CSPP1: variants seen among roughly 807,000 people sequenced by gnomAD.
CSPP1 encodes the protein centrosome and spindle pole-associated protein 1.
Under a neutral mutation model 164.4 loss-of-function variants are expected in CSPP1, and 126 were observed. The ratio of observed to expected loss-of-function variants is 0.77; its 90% confidence interval spans 0.66 to 0.89. The LOEUF (loss-of-function observed/expected upper bound fraction) is 0.89. CSPP1 is among the 40% of genes least tolerant of loss of function. The pLI is 0.00. For synonymous variants in CSPP1, 472 were observed against 476.7 expected, an observed-to-expected ratio of 0.99 and a Z score of 0.13; for missense variants, 1,395 against 1,449.8, an observed-to-expected ratio of 0.96 and a Z score of 0.61.
At chr8:67,108,932 T>C (rs1465468719) in intron 9 of CSPP1, among the ~76,000 whole-genome samples, 1 of 152,206 alleles carries the variant, frequency 6.6e-6, no homozygotes, top group Admixed American at 6.5e-5. Flanking sequence ...TAGTCTGCTT[T>C]GAAAGTCTGG....
rs904523310 is a variant in CSPP1, at chr8:67,100,804, TAA to T, written c.924-2231_924-2230del. 1.8e-3 allele frequency among the ~76,000 whole-genome samples: 268 copies of T among 148,948 alleles called. 4 individuals are homozygous for T. The highest frequency in any genetic ancestry group is 6.3e-3 in the African/African-American group (258 of 41,026). ...TTATTAAAGAATATATATATATATA[TAA>T]ATAAAGATTATTTTTATATGTAATT... On this transcript the variant is annotated intron_variant, in intron 7 of 30. Transcript: ENST00000678616.
intron 18 of CSPP1, 36 bp downstream of exon 18, chr8:67,149,971 T>A (rs1234677790): frequency 6.7e-6 from 6 of 894,860 alleles, no homozygotes; most frequent in South Asian, 2.1e-5. Flanking sequence ...TTTTTTTTTT[T>A]ACATTTCTGA....
At chr8:67,080,791 A>G (rs1411445976) in intron 3 of CSPP1, 1 of 152,272 alleles carries the variant, frequency 6.6e-6, no homozygotes, top group African/African-American at 2.4e-5. Context: ...GGGACGGTCC[A>G]AACATTAATT....
In CSPP1 at chr8:67,195,985, T is replaced by G. The variant is rs1189918461; in HGVS notation, c.*392T>G. ...GTTACCTCGATGCAAAAGAATTCAT[T>G]TAGTAGGTACATCTATTGTAGCTGT... On this transcript the variant is annotated 3_prime_UTR_variant, in exon 31 of 31. Coordinates refer to ENST00000678616, the MANE Select transcript of CSPP1 (RefSeq NM_001382391.1). 3 of 174,844 alleles carry G rather than the reference T, an allele frequency of 1.7e-5. No individual in the cohort carries two copies. The highest frequency in any genetic ancestry group is 3.7e-5 in the Non-Finnish European group (3 of 81,168). The allele number at this position is 174,844 out of a possible 1,614,324, so 10.8% of individuals were successfully genotyped here.
At chr8:67,113,089 C>CA (rs1405030393) in intron 10 of CSPP1, among the ~76,000 whole-genome samples, 6 of 152,004 alleles carry the variant, frequency 3.9e-5, no homozygotes, top group Non-Finnish European at 8.8e-5. Context: ...ACTAAAAATA[C>CA]AAAAAATTAG....
intron 5 of CSPP1, among the ~76,000 whole-genome samples, chr8:67,092,731 C>T (rs773309352): frequency 4.6e-5 from 7 of 152,212 alleles, no homozygotes; most frequent in Non-Finnish European, 1.0e-4. Flanking sequence ...GCGTGAGCCA[C>T]CGCTCCCAGC....
chr8:67,195,676 C>CCCCT lies in CSPP1; in HGVS notation c.*84_*87dup. ...TACCTTTAATATGTCCTACTTTTGG[C>CCCCT]CCCTACCTGAAAGTTACTTTTTTTC... is the stretch of plus-strand genomic sequence containing the variant. On this transcript the variant is annotated 3_prime_UTR_variant, in exon 31 of 31. Coordinates refer to ENST00000678616, the MANE Select transcript of CSPP1 (RefSeq NM_001382391.1). 3 of 1,213,478 alleles carry CCCCT rather than the reference C, an allele frequency of 2.5e-6. No homozygotes were observed. The highest frequency in any genetic ancestry group is 2.5e-4 in the Middle Eastern group (1 of 4,076). The allele number at this position is 1,213,478 out of a possible 1,614,324, so 75.2% of individuals were successfully genotyped here.
intron 24 of CSPP1, among the ~76,000 whole-genome samples, chr8:67,167,357 C>T (rs988058772): frequency 2.1e-4 from 31 of 149,024 alleles, no homozygotes; most frequent in Non-Finnish European, 4.0e-4. Flanking sequence ...GGCTGCCCCC[C>T]ACCTCCCACC....
At chr8:67,077,583 T>A (rs1808223402) in intron 3 of CSPP1, among the ~76,000 whole-genome samples, 1 of 152,090 alleles carries the variant, frequency 6.6e-6, no homozygotes, top group Admixed American at 6.5e-5. Flanking sequence ...GTGATCTGCC[T>A]GCCCGCCTCG....
intron 16 of CSPP1, among the ~76,000 whole-genome samples, chr8:67,133,198 C>T (rs1821584570): frequency 6.6e-6 from 1 of 152,154 alleles, no homozygotes; most frequent in Admixed American, 6.5e-5. Context: ...CTTAAATTTA[C>T]TGTGCATATG....
Position 67,195,465 on chromosome 8 carries a change from T to C in CSPP1, c.3553T>C (p.Trp1185Arg), listed in dbSNP as rs1418946465. The C allele has an allele frequency of 6.2e-7, 1 of 1,614,086 alleles. No individual in the cohort carries two copies. Residue 1185 changes from tryptophan (W) to arginine (R), a missense_variant, in exon 31 of 31, where the codon TGG becomes CGG. Transcript: ENST00000678616. ...ATCAAACTCTGTAGCAACTGAGCCC[T>C]GGCTCCGCCCTGGCACTTCAGAAAC... is the stretch of plus-strand genomic sequence containing the variant. ...DGSNSVATEP[W>R]LRPGTSETLK...
chr8:67,106,157 T>G (rs1467575623), intron 9 of CSPP1, among the ~76,000 whole-genome samples, 182 bp downstream of exon 9: 1 of 152,178 alleles, frequency 6.6e-6, no homozygotes, highest in Non-Finnish European at 1.5e-5. Flanking sequence ...ATAATTTTAT[T>G]TTGTATTTTT....
chr8:67,162,916 G>T (rs937322330), intron 22 of CSPP1, among the ~76,000 whole-genome samples: 8 of 152,304 alleles, frequency 5.3e-5, no homozygotes, highest in African/African-American at 1.9e-4. Context: ...ATGAGTTCTG[G>T]ACTCGATTTG....
chr8:67,153,984 A>T (rs759022008), intron 18 of CSPP1, 40 bp from the exon 19 acceptor site: 1 of 864,800 alleles, frequency 1.2e-6, no homozygotes, highest in Non-Finnish European at 1.9e-6. Flanking sequence ...TTTTCTAAGC[A>T]TTGGCTAATA....
rs1224344779 is a variant in CSPP1, at chr8:67,159,919, T to C, written c.2538+782T>C. On this transcript the variant is annotated intron_variant, in intron 21 of 30. Coordinates refer to ENST00000678616, the MANE Select transcript of CSPP1 (RefSeq NM_001382391.1). ...TTCTTTCTTTCTTTCTTTCTTTCTT[T>C]CTTTCCTTTCCTTCCTTCCTTCCTT... 1.2e-3 allele frequency among the ~76,000 whole-genome samples: 72 copies of C among 59,360 alleles called. 5 individuals carry two copies. Among genetic ancestry groups the C allele is most frequent in the Non-Finnish European group, 1.8e-3 (55 of 30,454 alleles). 38.9% of individuals were successfully genotyped at this position (59,360 alleles called of 152,430 possible). A position where few individuals can be genotyped will look rare whatever the true frequency, so the allele number is the denominator to read the frequency against.
At position 67,175,440 on chromosome 8, in the gene CSPP1, A is replaced by G. The variant is rs372291198; in HGVS notation, c.3109+4A>G. On this transcript the variant is annotated splice_donor_region_variant and intron_variant, in intron 26 of 30. Transcript: ENST00000678616. ...AAAATGCAGGAAGGTGCCAAAGGTAAGAAATAATCATTGCTGTGTCAAATA... is the reference window on the plus strand; with the variant it reads ...AAAATGCAGGAAGGTGCCAAAGGTAGGAAATAATCATTGCTGTGTCAAATA... 1 of 1,613,994 alleles carries G rather than the reference A, an allele frequency of 6.2e-7. No individual in the cohort carries two copies. The highest frequency in any genetic ancestry group is 8.5e-7 in the Non-Finnish European group (1 of 1,179,958).
rs75694617 is a variant in CSPP1, at chr8:67,161,751, G to A, written c.2539-60G>A. 3.1e-4 allele frequency: 259 copies of A among 843,638 alleles called. 2 individuals carry two copies. The highest frequency in any genetic ancestry group is 2.1e-3 in the African/African-American group (129 of 60,112). 52.3% of individuals were successfully genotyped at this position (843,638 alleles called of 1,614,324 possible). On this transcript the variant is annotated intron_variant, in intron 21 of 30. Coordinates refer to ENST00000678616, the MANE Select transcript of CSPP1 (RefSeq NM_001382391.1). ...TTAACTATAAGGGGTGTGTGTGTGT[G>A]TATATATGTGTGTGAGTGTGATGAA...
At chr8:67,082,178 G>A (rs1012877773) in intron 3 of CSPP1, among the ~76,000 whole-genome samples, 12 of 152,158 alleles carry the variant, frequency 7.9e-5, no homozygotes, top group African/African-American at 2.9e-4. Flanking sequence ...CTCCTGAGTA[G>A]CTGAGATTAC....
At chr8:67,167,863 G>C (rs1829741199) in intron 24 of CSPP1, among the ~76,000 whole-genome samples, 1 of 152,298 alleles carries the variant, frequency 6.6e-6, no homozygotes, top group East Asian at 1.9e-4. Flanking sequence ...TGGGTGGCCA[G>C]GCAGAGATGC....
Sources: allele counts gnomAD v4.1 joint callset (sites outside exome capture counted in the v4.1 genomes callset), GRCh38; gene constraint gnomAD v4.1.1; transcripts MANE v1.5; gene names NCBI Gene and HGNC (gene_info 2026-07-23, HGNC 2026-07-21).